Variants in CACNA1D observed in about 807,000 individuals in gnomAD.
The protein encoded by CACNA1D is voltage-dependent L-type calcium channel subunit alpha-1D.
Under a neutral mutation model 257.1 loss-of-function variants are expected in CACNA1D, and 55 were observed. The observed-to-expected ratio is 0.21, with a 90% CI of 0.17 to 0.27. CACNA1D has a LOEUF of 0.27. Ranked by LOEUF, CACNA1D falls within the 10% of genes least tolerant of loss-of-function variation. The probability of loss-of-function intolerance (pLI) is 1.00; values close to 1 mark genes in which losing one functional copy is unlikely to be tolerated. For synonymous variants in CACNA1D, 980 were observed against 1,014.9 expected (o/e 0.97, Z 0.65); for missense variants, 1,876 against 2,784.0 (o/e 0.67, Z 7.34).
intron 3 of CACNA1D, among the ~76,000 whole-genome samples, chr3:53,551,158 A>G (rs947337907): frequency 6.6e-6 from 1 of 152,222 alleles, no homozygotes; most frequent in African/African-American, 2.4e-5. Flanking sequence ...GGTTGGGCCT[A>G]AGCCCCAGGG....
At chr3:53,647,326 C>T (rs1463265238) in intron 3 of CACNA1D, among the ~76,000 whole-genome samples, 1 of 152,182 alleles carries the variant, frequency 6.6e-6, no homozygotes, top group Non-Finnish European at 1.5e-5. Flanking sequence ...TTACTCTTTC[C>T]CTGTACCTGG....
At chr3:53,574,968 CAA>C (rs1426273795) in intron 3 of CACNA1D, among the ~76,000 whole-genome samples, 1 of 152,240 alleles carries the variant, frequency 6.6e-6, no homozygotes, top group Non-Finnish European at 1.5e-5. Flanking sequence ...GTCTTCTCAA[CAA>C]AACCTCATTG....
chr3:53,577,051 C>A (rs1376731609), intron 3 of CACNA1D, among the ~76,000 whole-genome samples: 1 of 152,254 alleles, frequency 6.6e-6, no homozygotes, highest in Non-Finnish European at 1.5e-5. Flanking sequence ...AGCTGTAGAG[C>A]CTCTGGTTGG....
intron 29 of CACNA1D, among the ~76,000 whole-genome samples, chr3:53,754,488 T>C (rs1296201934): frequency 6.6e-6 from 1 of 152,230 alleles, no homozygotes; most frequent in Non-Finnish European, 1.5e-5. Context: ...TGCTGTTTCA[T>C]GGGGTTGTCA....
intron 5 of CACNA1D, among the ~76,000 whole-genome samples, chr3:53,663,275 T>G (rs1413566753): frequency 6.6e-6 from 1 of 152,218 alleles, no homozygotes; most frequent in African/African-American, 2.4e-5. Context: ...GCTTCTTGCA[T>G]TCTTTCTTTC....
chr3:53,586,089 G>A (rs1370797296), intron 3 of CACNA1D, among the ~76,000 whole-genome samples: 1 of 152,166 alleles, frequency 6.6e-6, no homozygotes, highest in African/African-American at 2.4e-5. Flanking sequence ...TAATGGGCCA[G>A]AAAGCTCACT....
At chr3:53,514,141 G>C (rs777088399) in intron 3 of CACNA1D, among the ~76,000 whole-genome samples, 10 of 152,128 alleles carry the variant, frequency 6.6e-5, no homozygotes, top group Non-Finnish European at 8.8e-5. Flanking sequence ...TCATTTTACA[G>C]GTGAGGAAAC....
At position 53,800,987 on chromosome 3, in the gene CACNA1D, G is replaced by A. The variant is rs1302629481; in HGVS notation, c.5041-71G>A. 8.0e-5 allele frequency: 121 copies of A among 1,516,746 alleles called. No homozygotes were observed. Among genetic ancestry groups the A allele is most frequent in the Non-Finnish European group, 6.8e-5 (74 of 1,093,118 alleles). The allele number at this position is 1,516,746 out of a possible 1,614,324, so 94.0% of individuals were successfully genotyped here. A position where few individuals can be genotyped will look rare whatever the true frequency, so the allele number is the denominator to read the frequency against. ...AGAATTTGTTTTTCATGTAGAAAAAGTTACCTAACATAGCTAGTCTGCATC... is the reference window on the plus strand; with the variant it reads ...AGAATTTGTTTTTCATGTAGAAAAAATTACCTAACATAGCTAGTCTGCATC... On this transcript the variant is annotated intron_variant, in intron 41 of 47. Coordinates refer to ENST00000350061, the MANE Select transcript of CACNA1D (RefSeq NM_001128840.3). The surrounding 1 kb of genome is among the most constrained non-coding windows in gnomAD (Gnocchi z 4.3).
chr3:53,495,126 C>T lies in CACNA1D; in HGVS notation c.-41C>T, dbSNP rs760879666. The T allele has an allele frequency of 1.9e-6, 3 of 1,547,538 alleles. No homozygotes were observed. Among genetic ancestry groups the T allele is most frequent in the Admixed American group, 1.7e-5 (1 of 59,660 alleles). On this transcript the variant is annotated 5_prime_UTR_variant, in exon 1 of 48. Coordinates refer to ENST00000350061, the MANE Select transcript of CACNA1D (RefSeq NM_001128840.3). This position sits in a 1 kb window ranked among gnomAD's most constrained non-coding sequence, Gnocchi z 5.1. Reference sequence around the variant, plus strand: ...TCCGCCCCCGCCTCAACGCCCAGCACAGTGCCCTGCACACAGTAGTCGCTC... The same window carrying T: ...TCCGCCCCCGCCTCAACGCCCAGCATAGTGCCCTGCACACAGTAGTCGCTC...
intron 7 of CACNA1D, among the ~76,000 whole-genome samples, chr3:53,670,606 A>G (rs953515386): frequency 2.6e-5 from 4 of 152,148 alleles, no homozygotes; most frequent in African/African-American, 9.7e-5. Context: ...TGGCCTCCCA[A>G]AGTGTTGGGA....
chr3:53,622,556 G>A (rs2093708067), intron 3 of CACNA1D, among the ~76,000 whole-genome samples: 1 of 152,170 alleles, frequency 6.6e-6, no homozygotes, highest in Non-Finnish European at 1.5e-5. Flanking sequence ...TCACTTATAA[G>A]TGGGAGCTAA....
At chr3:53,591,342 T>C (rs907612584) in intron 3 of CACNA1D, among the ~76,000 whole-genome samples, 1 of 152,194 alleles carries the variant, frequency 6.6e-6, no homozygotes, top group Non-Finnish European at 1.5e-5. Context: ...GACCTCCGCC[T>C]CCTGGGTTCA....
chr3:53,511,035 T>C (rs1001374796), intron 3 of CACNA1D, among the ~76,000 whole-genome samples: 1 of 152,340 alleles, frequency 6.6e-6, no homozygotes, highest in South Asian at 2.1e-4. Flanking sequence ...GTTTGCTTGC[T>C]ACGGACTGGT....
intron 3 of CACNA1D, among the ~76,000 whole-genome samples, chr3:53,569,311 G>A (rs993676773): frequency 6.6e-6 from 1 of 152,156 alleles, no homozygotes; most frequent in Non-Finnish European, 1.5e-5. Context: ...GGAGAGGCAC[G>A]CCCTGTCCTA....
chr3:53,602,732 G>T (rs537438209), intron 3 of CACNA1D, among the ~76,000 whole-genome samples: 19 of 152,282 alleles, frequency 1.2e-4, no homozygotes, highest in African/African-American at 3.8e-4. Context: ...CATATAACCT[G>T]TTGGCCGTTT....
At chr3:53,509,097 G>A (rs1354382472) in intron 3 of CACNA1D, among the ~76,000 whole-genome samples, 3 of 152,168 alleles carry the variant, frequency 2.0e-5, no homozygotes, top group Non-Finnish European at 4.4e-5. Flanking sequence ...TGGAGGCGGG[G>A]GCCTTCCTTT....
chr3:53,530,458 G>C (rs779641545), intron 3 of CACNA1D: 2 of 152,234 alleles, frequency 1.3e-5, no homozygotes, highest in African/African-American at 4.8e-5. Context: ...CTAGAGGATG[G>C]CACCTCTGGG....
intron 45 of CACNA1D, among the ~76,000 whole-genome samples, chr3:53,806,197 T>C (rs1250938425): frequency 2.6e-5 from 2 of 78,110 alleles, no homozygotes; most frequent in Admixed American, 1.6e-4. Flanking sequence ...CCCTCCTCCC[T>C]CCTCCCTCAT....
chr3:53,575,484 G>A (rs1409298749), intron 3 of CACNA1D, among the ~76,000 whole-genome samples: 1 of 152,120 alleles, frequency 6.6e-6, no homozygotes, highest in Non-Finnish European at 1.5e-5. Context: ...TGTTAGCTCT[G>A]ATCATTTGTT....
Sources: gnomAD v4.1 joint callset for allele counts (sites outside exome capture counted in the v4.1 genomes callset) on GRCh38, gnomAD v4.1.1 for gene constraint, Gnocchi (gnomAD v3.1) non-coding constraint, MANE v1.5 for transcripts, NCBI Gene and HGNC (gene_info 2026-07-23, HGNC 2026-07-21) for gene names.